The following BPGM variants were observed in gnomAD, a reference collection of about 807,000 sequenced individuals.
BPGM encodes bisphosphoglycerate mutase, also known as 2,3-bisphosphoglycerate mutase, erythrocyte.
A neutral mutation model predicts 21.6 loss-of-function variants in BPGM; 15 were observed. The observed-to-expected ratio is 0.70, with a 90% CI of 0.47 to 1.07. BPGM has a LOEUF of 1.07. Among genes scored for constraint, BPGM ranks in the 50% least tolerant of loss-of-function variants. The pLI is 0.00. For synonymous variants in BPGM, 113 were observed against 116.2 expected, an observed-to-expected ratio of 0.97 and a Z score of 0.18; for missense variants, 273 against 319.0, an observed-to-expected ratio of 0.86 and a Z score of 1.10.
Position 134,646,899 on chromosome 7 carries a change from C to A in BPGM, c.-100C>A. On this transcript the variant is annotated 5_prime_UTR_variant, in exon 1 of 3. The change creates a new upstream start codon in the 5' untranslated region. Coordinates refer to ENST00000344924, the MANE Select transcript of BPGM (RefSeq NM_001724.5). Reference sequence around the variant, plus strand: ...GCTCTTTGGCGGCTCGGAGGAGCGGCTGCTGCTGCTGCTGCTGCTGCTGGT... The same window carrying A: ...GCTCTTTGGCGGCTCGGAGGAGCGGATGCTGCTGCTGCTGCTGCTGCTGGT... 5.7e-6 allele frequency: 1 copy of A among 175,064 alleles called. No homozygotes were observed. Among genetic ancestry groups the A allele is most frequent in the South Asian group, 8.7e-5 (1 of 11,436 alleles). The allele number at this position is 175,064 out of a possible 1,614,324, so 10.8% of individuals were successfully genotyped here. A position where few individuals can be genotyped will look rare whatever the true frequency, so the allele number is the denominator to read the frequency against.
At position 134,671,797 on chromosome 7, in the gene BPGM, C is replaced by T. The variant is rs573886450; in HGVS notation, c.602-7056C>T. Reference sequence around the variant, plus strand: ...TAGCAGCCAAACCATAAAAGTGTTACTTACAGTTGAATAAACATTTACTAA... The same window carrying T: ...TAGCAGCCAAACCATAAAAGTGTTATTTACAGTTGAATAAACATTTACTAA... On this transcript the variant is annotated intron_variant, in intron 2 of 2. Transcript: ENST00000344924. Among the ~76,000 whole-genome samples the T allele has an allele frequency of 3.3e-5, 5 of 152,286 alleles. No homozygotes were observed. The East Asian group carries it at 5.8e-4, about 18-fold the overall frequency.
chr7:134,674,140 T>G (rs1040886862), intron 2 of BPGM, among the ~76,000 whole-genome samples: 11 of 152,240 alleles, frequency 7.2e-5, no homozygotes, highest in Admixed American at 3.3e-4. Flanking sequence ...CTTGAACTCC[T>G]GACCTCAAGT....
chr7:134,677,783 G>A (rs1053582063), intron 2 of BPGM, among the ~76,000 whole-genome samples: 5 of 152,184 alleles, frequency 3.3e-5, no homozygotes, highest in Non-Finnish European at 5.9e-5. Context: ...AATACTTTCA[G>A]TTGTCTTTTA....
chr7:134,659,372 C>CATGTGT (rs1795692494), intron 1 of BPGM, among the ~76,000 whole-genome samples: 1 of 145,282 alleles, frequency 6.9e-6, no homozygotes, highest in African/African-American at 2.5e-5. Context: ...CACACCCCTC[C>CATGTGT]GTGTGTGTGT....
In BPGM at chr7:134,661,455, C is replaced by G. The variant is rs1795728711; in HGVS notation, c.-53C>G. 6.2e-7 allele frequency: 1 copy of G among 1,612,012 alleles called. No individual in the cohort carries two copies. The highest frequency in any genetic ancestry group is 1.7e-5 in the Admixed American group (1 of 60,004). On this transcript the variant is annotated 5_prime_UTR_variant, in exon 2 of 3. Transcript: ENST00000344924. The surrounding 1 kb of genome is among the most constrained non-coding windows in gnomAD (Gnocchi z 4.6). ...TGTTCTTGTCTTTCTAGATGTATTG[C>G]TGTCCTTGAATATTAGCCCATTTGA...
Position 134,679,036 on chromosome 7 carries a change from T to C in BPGM, c.*5T>C. ...GTGAAACAAGCTAAAAAATAGTCTTTCTCAACTGTTGGCTAAGAAGAAATG... is the reference window on the plus strand; with the variant it reads ...GTGAAACAAGCTAAAAAATAGTCTTCCTCAACTGTTGGCTAAGAAGAAATG... On this transcript the variant is annotated 3_prime_UTR_variant, in exon 3 of 3. Coordinates refer to ENST00000344924, the MANE Select transcript of BPGM (RefSeq NM_001724.5). 1 of 1,613,952 alleles carries C rather than the reference T, an allele frequency of 6.2e-7. No homozygotes were observed. Among genetic ancestry groups the C allele is most frequent in the South Asian group, 1.1e-5 (1 of 91,090 alleles).
Position 134,665,107 on chromosome 7 carries a change from A to T in BPGM, c.601+2999A>T, listed in dbSNP as rs531778379. ...AATTGTATGTGAATTATATCTCATT[A>T]AAGCTGGAAAAATAATCAATGGAAT... On this transcript the variant is annotated intron_variant, in intron 2 of 2. Transcript: ENST00000344924. Among the ~76,000 whole-genome samples the T allele has an allele frequency of 6.6e-5, 10 of 152,336 alleles. No homozygotes were observed. In the South Asian group the frequency reaches 1.9e-3, roughly 28 times the overall value.
At chr7:134,663,384 GTT>G (rs1491183741) in intron 2 of BPGM, among the ~76,000 whole-genome samples, 9 of 151,972 alleles carry the variant, frequency 5.9e-5, no homozygotes, top group Admixed American at 2.0e-4. Flanking sequence ...GTGTGTGTGT[GTT>G]TGTGTGTGTG....
chr7:134,664,914 G>A (rs73441905), intron 2 of BPGM, among the ~76,000 whole-genome samples: 15,878 of 152,188 alleles, frequency 0.1, 1,311 homozygotes, highest in African/African-American at 0.22. Flanking sequence ...AGAAGGTAGA[G>A]TGGTTGTTGC....
chr7:134,659,237 G>A (rs1396991574), intron 1 of BPGM, among the ~76,000 whole-genome samples: 1 of 152,158 alleles, frequency 6.6e-6, no homozygotes, highest in Non-Finnish European at 1.5e-5. Flanking sequence ...AAAACAAAAT[G>A]ATCAATGGTT....
chr7:134,668,285 A>T (rs1385496096), intron 2 of BPGM, among the ~76,000 whole-genome samples: 1 of 152,178 alleles, frequency 6.6e-6, no homozygotes, highest in African/African-American at 2.4e-5. Context: ...CTCAAAACTC[A>T]GTTCACTGAG....
At position 134,678,903 on chromosome 7, in the gene BPGM, A is replaced by G. The variant is rs1796021031; in HGVS notation, c.652A>G (p.Ile218Val). ...CATTACTCTTCCTACTGGAGTCCCC[A>G]TTCTTCTGGAATTGGATGAAAACCT... ...INITLPTGVPILLELDENLRA... is the reference protein window; with the variant it reads ...INITLPTGVPVLLELDENLRA... Residue 218 changes from isoleucine to valine, a missense_variant, in exon 3 of 3, where the codon ATT becomes GTT. Physicochemically the swap from Ile to Val is conservative, Grantham distance 29. Transcript: ENST00000344924. The G allele has an allele frequency of 2.5e-6, 4 of 1,613,996 alleles. 1 individual carries two copies. In the Admixed American group the frequency reaches 5.0e-5, roughly 20 times the overall value.
Position 134,661,788 on chromosome 7 carries a change from C to A in BPGM, c.281C>A (p.Ala94Asp), listed in dbSNP as rs745809683. ...CGTCTAAATGAGCGTCACTATGGGG[C>A]CTTGATCGGTCTCAACAGGGAGCAG... ...SWRLNERHYGALIGLNREQMA... is the reference protein window; with the variant it reads ...SWRLNERHYGDLIGLNREQMA... The change falls in exon 2 of 3, where the codon GCC becomes GAC. Residue 94 changes from alanine (A) to aspartate (D), a missense_variant. Ala to Asp is a moderately radical substitution (Grantham distance 126). Coordinates refer to ENST00000344924, the MANE Select transcript of BPGM (RefSeq NM_001724.5). The surrounding 1 kb of genome is among the most constrained non-coding windows in gnomAD (Gnocchi z 4.6). 6.2e-6 allele frequency: 10 copies of A among 1,613,878 alleles called. 1 individual carries two copies. The South Asian group carries it at 7.7e-5, about 12-fold the overall frequency.
At chr7:134,665,963 C>T (rs896894343) in intron 2 of BPGM, among the ~76,000 whole-genome samples, 9 of 152,002 alleles carry the variant, frequency 5.9e-5, no homozygotes, top group South Asian at 2.1e-4. Context: ...CTGCAACCTT[C>T]GCCTCCTGAG....
intron 1 of BPGM, among the ~76,000 whole-genome samples, chr7:134,653,303 A>G (rs1795584933): frequency 6.6e-6 from 1 of 152,234 alleles, no homozygotes; most frequent in Non-Finnish European, 1.5e-5. Context: ...AGTTGCTAAC[A>G]TCTGAGCTAA....
chr7:134,652,682 A>C (rs1795575250), intron 1 of BPGM, among the ~76,000 whole-genome samples: 1 of 152,158 alleles, frequency 6.6e-6, no homozygotes, highest in Non-Finnish European at 1.5e-5. Flanking sequence ...CAATACATTC[A>C]ATTTTCAAAA....
intron 1 of BPGM, among the ~76,000 whole-genome samples, chr7:134,653,707 A>G (rs1795591222): frequency 6.6e-6 from 1 of 152,220 alleles, no homozygotes; most frequent in Admixed American, 6.5e-5. Flanking sequence ...AAACAGGCCT[A>G]AGACAATACT....
intron 1 of BPGM, 43 bp downstream of exon 1, chr7:134,646,980 T>A: frequency 6.1e-6 from 1 of 164,670 alleles, no homozygotes; most frequent in South Asian, 1.0e-4. Context: ...CGTTTACATT[T>A]TTTAGTGATG....
rs1247440094 is a variant in BPGM at position 134,679,635 on chromosome 7, A to C, written c.*604A>C. ...CTTTAACTTGTCTTCTAGTTTAGAGACATCCTTCATTTGACATTTAGTAGA... is the reference window on the plus strand; with the variant it reads ...CTTTAACTTGTCTTCTAGTTTAGAGCCATCCTTCATTTGACATTTAGTAGA... On this transcript the variant is annotated 3_prime_UTR_variant, in exon 3 of 3. Transcript: ENST00000344924. 2.0e-5 allele frequency: 3 copies of C among 152,332 alleles called. 1 individual carries two copies. The East Asian group carries it at 5.8e-4, about 29-fold the overall frequency. The allele number at this position is 152,332 out of a possible 1,614,324, so 9.4% of individuals were successfully genotyped here.
Sources: gnomAD v4.1 joint callset for allele counts (sites outside exome capture counted in the v4.1 genomes callset) on GRCh38, gnomAD v4.1.1 for gene constraint, Gnocchi (gnomAD v3.1) non-coding constraint, MANE v1.5 for transcripts, NCBI Gene and HGNC (gene_info 2026-07-23, HGNC 2026-07-21) for gene names.